SMS: variants seen among roughly 807,000 people sequenced by gnomAD.
The protein encoded by SMS is spermine synthase, also known as spermidine aminopropyltransferase.
In SMS, 3 loss-of-function variants were observed where a neutral mutation model predicts 33.0. The observed-to-expected ratio is 0.09, with a 90% CI of 0.04 to 0.23. The LOEUF is 0.23. Ranked by LOEUF, SMS falls within the 10% of genes least tolerant of loss-of-function variation. SMS has a pLI of 1.00. For missense variants in SMS, 117 were observed against 288.6 expected (o/e 0.41, Z 4.31); for synonymous variants, 103 against 112.2 (o/e 0.92, Z 0.52).
chrX:21,941,884 C>CAAAAAAAAAAAAAA (rs760394146), intron 1 of SMS, among the ~76,000 whole-genome samples: 2 of 19,569 alleles, frequency 1.0e-4, no homozygotes, highest in Non-Finnish European at 1.9e-4. Context: ...GACCCTGTCT[C>CAAAAAAAAAAAAAA]AAAAAAAAAA....
chrX:21,974,884 G>A (rs1924438777), intron 4 of SMS, among the ~76,000 whole-genome samples: 1 of 98,914 alleles, frequency 1.0e-5, no homozygotes, highest in Non-Finnish European at 2.0e-5. Flanking sequence ...TTTAAATCTG[G>A]AGAATAAAGA....
intron 1 of SMS, among the ~76,000 whole-genome samples, chrX:21,955,288 G>A (rs1021918270): frequency 8.9e-5 from 10 of 112,268 alleles, no homozygotes; most frequent in African/African-American, 3.2e-4. Context: ...CAATCCCATG[G>A]TTTCTACTTT....
At chrX:21,951,705 C>T (rs1439863568) in intron 1 of SMS, among the ~76,000 whole-genome samples, 1 of 106,169 alleles carries the variant, frequency 9.4e-6, no homozygotes, top group Non-Finnish European at 1.9e-5. Flanking sequence ...GGAATCCTTT[C>T]CCCATTGCTT....
intron 1 of SMS, 95 bp from the exon 2 acceptor site, chrX:21,967,093 CTTATTTAT>C (rs1355893857): frequency 1.2e-4 from 21 of 169,045 alleles, no homozygotes; most frequent in Non-Finnish European, 1.6e-4. Flanking sequence ...TATTTATTTA[CTTATTTAT>C]TTATTTTTAA....
intron 1 of SMS, chrX:21,959,826 C>T (rs1174568207): frequency 4.9e-5 from 23 of 467,550 alleles, no homozygotes; most frequent in South Asian, 1.1e-4. Context: ...AGGATGCCTG[C>T]GTTTGTGCTT....
chrX:21,953,890 ATTTT>A (rs10599284), intron 1 of SMS, among the ~76,000 whole-genome samples: 76 of 90,121 alleles, frequency 8.4e-4, no homozygotes, highest in African/African-American at 2.3e-3. Flanking sequence ...AATTTTATTG[ATTTT>A]TTTTTTTTTT....
chrX:21,977,038 T>C, intron 4 of SMS, 23 bp from the exon 5 acceptor site: 3 of 1,194,549 alleles, frequency 2.5e-6, no homozygotes, highest in Non-Finnish European at 3.4e-6. Context: ...GTAAGGTACA[T>C]TTCTGTTTTT....
At position 21,992,723 on chromosome X, in the gene SMS, A is replaced by C. The variant is rs772856322; in HGVS notation, c.1061+11A>C. The C allele has an allele frequency of 9.8e-7, 1 of 1,025,634 alleles. No individual in the cohort carries two copies. Among genetic ancestry groups the C allele is most frequent in the East Asian group, 3.0e-5 (1 of 32,996 alleles). The allele number at this position is 1,025,634 out of a possible 1,213,427, so 84.5% of individuals were successfully genotyped here. On this transcript the variant is annotated intron_variant, in intron 10 of 10. Transcript: ENST00000404933. ...TTCATACTTGGAATTGTATCCTTTG[A>C]CCGTGACATTCTGTTGCCAGATCAA...
At chrX:21,944,944 A>C (rs1005307104) in intron 1 of SMS, among the ~76,000 whole-genome samples, 1 of 112,014 alleles carries the variant, frequency 8.9e-6, no homozygotes, top group African/African-American at 3.2e-5. Context: ...GTGCCACTGC[A>C]CTCCAGCCTG....
rs6629444 is a variant in SMS at position 21,960,036 on chromosome X, C to T, written c.50-7160C>T. ...GTGAGTGACTGTCTGTGTGTACATCCGTGTGTGTGTGTGTAGGGGCACTGA... is the reference window on the plus strand; with the variant it reads ...GTGAGTGACTGTCTGTGTGTACATCTGTGTGTGTGTGTGTAGGGGCACTGA... On this transcript the variant is annotated intron_variant, in intron 1 of 10. Transcript: ENST00000404933. The T allele has an allele frequency of 1.6e-3, 328 of 202,076 alleles. 1 individual carries two copies. The highest frequency in any genetic ancestry group is 2.6e-3 in the Middle Eastern group (1 of 386). The allele number at this position is 202,076 out of a possible 1,213,427, so 16.7% of individuals were successfully genotyped here. A position where few individuals can be genotyped will look rare whatever the true frequency, so the allele number is the denominator to read the frequency against.
intron 4 of SMS, among the ~76,000 whole-genome samples, chrX:21,973,687 G>T (rs890100751): frequency 5.3e-5 from 6 of 113,075 alleles, no homozygotes; most frequent in Non-Finnish European, 9.4e-5. Context: ...GGAAAATGAA[G>T]CTCTCCCTAT....
intron 1 of SMS, among the ~76,000 whole-genome samples, chrX:21,966,551 C>T (rs1476277429): frequency 2.7e-5 from 3 of 111,102 alleles, no homozygotes; most frequent in Non-Finnish European, 5.7e-5. Flanking sequence ...TTGGCTTCTG[C>T]GACCATGGGG....
chrX:21,960,431 A>C (rs1173654814), intron 1 of SMS, among the ~76,000 whole-genome samples: 1 of 110,144 alleles, frequency 9.1e-6, no homozygotes, highest in Non-Finnish European at 1.9e-5. Flanking sequence ...TCATGTATAC[A>C]ATAAGGTAGA....
chrX:21,980,904 A>G lies in SMS; in HGVS notation c.750+1938A>G, dbSNP rs1019651487. 2.7e-5 allele frequency among the ~76,000 whole-genome samples: 3 copies of G among 112,257 alleles called. No homozygotes were observed. In the Admixed American group the frequency reaches 2.8e-4, roughly 11 times the overall value. ...CCACCCATTTCCTTTCAAAGTAATC[A>G]AGTGTTAAATTCCTAGGAATATATT... On this transcript the variant is annotated intron_variant, in intron 7 of 10. Coordinates refer to ENST00000404933, the MANE Select transcript of SMS (RefSeq NM_004595.5).
intron 7 of SMS, among the ~76,000 whole-genome samples, chrX:21,981,123 A>C (rs955281474): frequency 2.7e-5 from 3 of 111,038 alleles, no homozygotes; most frequent in African/African-American, 9.8e-5. Flanking sequence ...GAGTTGGAGA[A>C]CAGCCTGGTC....
At chrX:21,955,999 A>G (rs185635966) in intron 1 of SMS, among the ~76,000 whole-genome samples, 1 of 112,174 alleles carries the variant, frequency 8.9e-6, no homozygotes, top group Non-Finnish European at 1.9e-5. Flanking sequence ...CCCCAGTCCC[A>G]GTGTCTGTGG....
intron 3 of SMS, 77 bp from the exon 4 acceptor site, chrX:21,972,430 C>T: frequency 3.0e-6 from 2 of 658,730 alleles, no homozygotes; most frequent in Non-Finnish European, 4.9e-6. Flanking sequence ...TCAACATGGC[C>T]TCAGTCGTTG....
Position 21,972,581 on chromosome X carries a change from C to A in SMS, c.329+10C>A, listed in dbSNP as rs766638145. ...CTGGGCGGGTGAAACGGTAAGTCCA[C>A]TCTTGAATGTCCTTTTATATTTAAT... On this transcript the variant is annotated intron_variant, in intron 4 of 10. Transcript: ENST00000404933. 9.0e-7 allele frequency: 1 copy of A among 1,113,021 alleles called. No individual in the cohort carries two copies. Among genetic ancestry groups the A allele is most frequent in the South Asian group, 1.8e-5 (1 of 54,685 alleles). The allele number at this position is 1,113,021 out of a possible 1,213,427, so 91.7% of individuals were successfully genotyped here. A position where few individuals can be genotyped will look rare whatever the true frequency, so the allele number is the denominator to read the frequency against.
chrX:21,946,487 A>G (rs1922239879), intron 1 of SMS, among the ~76,000 whole-genome samples: 1 of 112,422 alleles, frequency 8.9e-6, no homozygotes, highest in Non-Finnish European at 1.9e-5. Context: ...TTTAAAGACA[A>G]ATAAATAGGC....
Sources: allele counts gnomAD v4.1 joint callset (sites outside exome capture counted in the v4.1 genomes callset), GRCh38; gene constraint gnomAD v4.1.1; transcripts MANE v1.5; gene names NCBI Gene and HGNC (gene_info 2026-07-23, HGNC 2026-07-21).